Variants in EHHADH observed in about 807,000 individuals in gnomAD.
The protein encoded by EHHADH is peroxisomal bifunctional enzyme.
Under a neutral mutation model 64.4 loss-of-function variants are expected in EHHADH, and 48 were observed. The ratio of observed to expected loss-of-function variants is 0.75; its 90% CI spans 0.59 to 0.95. EHHADH has a LOEUF of 0.95. Among genes scored for constraint, EHHADH ranks in the 40% least tolerant of loss-of-function variants. The pLI is 0.00. For synonymous variants in EHHADH, 308 were observed against 326.7 expected (o/e 0.94, Z 0.62); for missense variants, 854 against 876.6 (o/e 0.97, Z 0.33).
intron 6 of EHHADH, among the ~76,000 whole-genome samples, chr3:185,199,906 G>A (rs543879005): frequency 1.3e-5 from 2 of 152,214 alleles, no homozygotes; most frequent in South Asian, 2.1e-4. Flanking sequence ...CACCATGCCC[G>A]GCTCTATGGC....
intron 2 of EHHADH, among the ~76,000 whole-genome samples, chr3:185,236,032 T>C (rs1719283243): frequency 6.6e-6 from 1 of 152,184 alleles, no homozygotes; most frequent in South Asian, 2.1e-4. Flanking sequence ...ATAAAAATAA[T>C]ATTTATTGCT....
At chr3:185,200,907 G>T (rs1718204237) in intron 6 of EHHADH, among the ~76,000 whole-genome samples, 1 of 152,150 alleles carries the variant, frequency 6.6e-6, no homozygotes, top group South Asian at 2.1e-4. Context: ...GGATTTTGCG[G>T]GGAGCACAAT....
At chr3:185,193,627 G>T in intron 6 of EHHADH, 140 bp from the exon 7 acceptor site, 1 of 948,742 alleles carries the variant, frequency 1.1e-6, no homozygotes, top group African/African-American at 1.7e-5. Context: ...TTGAGTACTA[G>T]TTAAGACTCT....
At chr3:185,233,061 G>T (rs1425958729) in intron 3 of EHHADH, among the ~76,000 whole-genome samples, 1 of 152,040 alleles carries the variant, frequency 6.6e-6, no homozygotes, top group Admixed American at 6.5e-5. Context: ...TAACTTCATG[G>T]GTAAATATAA....
Position 185,204,687 on chromosome 3 carries a change from A to G in EHHADH, c.639T>C (p.Phe213=). ...TCCGCATCTTCAAGAGGGCCTCACT[A>G]AAAATGCTGTCCATGTTGGGCAAGC... is the stretch of plus-strand genomic sequence containing the variant. ...IQSLPNMDSI[F]SEALLKMRRQ... is the part of the protein sequence containing the mutation. Residue 213 remains phenylalanine, a synonymous_variant, in exon 6 of 7, where the codon TTT becomes TTC. Coordinates refer to ENST00000231887, the MANE Select transcript of EHHADH (RefSeq NM_001966.4). 6.2e-7 allele frequency: 1 copy of G among 1,614,198 alleles called. No individual in the cohort carries two copies. The highest frequency in any genetic ancestry group is 8.5e-7 in the Non-Finnish European group (1 of 1,180,014).
At chr3:185,233,045 A>C (rs985939979) in intron 3 of EHHADH, among the ~76,000 whole-genome samples, 8 of 152,244 alleles carry the variant, frequency 5.3e-5, no homozygotes, top group African/African-American at 1.9e-4. Context: ...GAACACTGAT[A>C]AAGAGTAACT....
chr3:185,193,557 A>G (rs1717975636), intron 6 of EHHADH, 70 bp from the exon 7 acceptor site: 3 of 1,532,744 alleles, frequency 2.0e-6, no homozygotes, highest in African/African-American at 1.4e-5. Context: ...TATTCACTGG[A>G]TGGAAGGCTT....
chr3:185,245,942 C>T (rs2108651831), intron 2 of EHHADH: 8 of 1,478,948 alleles, frequency 5.4e-6, no homozygotes, highest in Non-Finnish European at 6.6e-6. Flanking sequence ...TCCTTCTGAG[C>T]CTGCCCAAGC....
At chr3:185,244,302 C>A (rs1719535651) in intron 2 of EHHADH, among the ~76,000 whole-genome samples, 1 of 151,954 alleles carries the variant, frequency 6.6e-6, no homozygotes, top group African/African-American at 2.4e-5. Context: ...ATTTGCCTGT[C>A]TATATGTTTA....
chr3:185,253,494 C>A (rs1719804936), intron 1 of EHHADH, among the ~76,000 whole-genome samples: 1 of 149,382 alleles, frequency 6.7e-6, no homozygotes, highest in African/African-American at 2.5e-5. Context: ...GGGTGCAGCA[C>A]ACCAACATGG....
At chr3:185,240,691 A>T (rs945551405) in intron 2 of EHHADH, among the ~76,000 whole-genome samples, 2 of 151,488 alleles carry the variant, frequency 1.3e-5, no homozygotes, top group Non-Finnish European at 2.9e-5. Context: ...CAGTATATAA[A>T]TTTTTCTCTT....
At chr3:185,219,692 G>A (rs1312794565) in intron 4 of EHHADH, among the ~76,000 whole-genome samples, 1 of 152,180 alleles carries the variant, frequency 6.6e-6, no homozygotes, top group Non-Finnish European at 1.5e-5. Flanking sequence ...TTTCTTGCCA[G>A]TACCATCTTG....
In EHHADH at chr3:185,204,600, C is replaced by A. The variant is rs779053739; in HGVS notation, c.726G>T (p.Gln242His). The A allele has an allele frequency of 9.3e-6, 15 of 1,614,246 alleles. No individual in the cohort carries two copies. Among genetic ancestry groups the A allele is most frequent in the Non-Finnish European group, 1.3e-5 (15 of 1,180,036 alleles). Reference sequence around the variant, plus strand: ...TCTTGATGCCCACTTCATAGGGATACTGCACAGCAGCCTGGACTGCACGGA... The same window carrying A: ...TCTTGATGCCCACTTCATAGGGATAATGCACAGCAGCCTGGACTGCACGGA... ...ACVRAVQAAV[Q>H]YPYEVGIKKE... Residue 242 changes from glutamine to histidine, a missense_variant, in exon 6 of 7, where the codon CAG becomes CAT. Physicochemically the swap from Gln to His is conservative, Grantham distance 24. Transcript: ENST00000231887.
intron 2 of EHHADH, among the ~76,000 whole-genome samples, chr3:185,237,626 C>A (rs1719333413): frequency 6.6e-6 from 1 of 152,046 alleles, no homozygotes. Flanking sequence ...TATAATTTTT[C>A]TTTTTAATCT....
chr3:185,250,557 A>G (rs1719718362), intron 1 of EHHADH, among the ~76,000 whole-genome samples: 1 of 152,250 alleles, frequency 6.6e-6, no homozygotes, highest in Non-Finnish European at 1.5e-5. Flanking sequence ...AAGTATTCTG[A>G]GTAAAATCTC....
At chr3:185,207,796 C>T (rs1162483388) in intron 5 of EHHADH, among the ~76,000 whole-genome samples, 1 of 152,176 alleles carries the variant, frequency 6.6e-6, no homozygotes, top group Non-Finnish European at 1.5e-5. Flanking sequence ...TTTTTTAGCA[C>T]AGCAATAGAA....
At chr3:185,251,057 G>C (rs934245520) in intron 1 of EHHADH, among the ~76,000 whole-genome samples, 1 of 152,190 alleles carries the variant, frequency 6.6e-6, no homozygotes, top group Non-Finnish European at 1.5e-5. Context: ...AGCTGACAGA[G>C]AGAGTCATAG....
At chr3:185,242,133 G>A (rs1427784385) in intron 2 of EHHADH, among the ~76,000 whole-genome samples, 1 of 152,064 alleles carries the variant, frequency 6.6e-6, no homozygotes, top group Non-Finnish European at 1.5e-5. Context: ...TCTCTACAAG[G>A]AAAACAACAA....
chr3:185,236,568 C>T (rs1719302763), intron 2 of EHHADH, among the ~76,000 whole-genome samples: 1 of 152,128 alleles, frequency 6.6e-6, no homozygotes, highest in Non-Finnish European at 1.5e-5. Flanking sequence ...TCTTTGAAAA[C>T]ACTAAGCTTG....
Sources: gnomAD v4.1 joint callset for allele counts (sites outside exome capture counted in the v4.1 genomes callset) on GRCh38, gnomAD v4.1.1 for gene constraint, MANE v1.5 for transcripts, NCBI Gene and HGNC (gene_info 2026-07-23, HGNC 2026-07-21) for gene names.